Variants in POLA2 observed in about 807,000 individuals in gnomAD.
POLA2 encodes the protein DNA polymerase alpha subunit B.
Under a neutral mutation model 82.8 loss-of-function variants are expected in POLA2, and 47 were observed. That is an observed-to-expected ratio of 0.57 (90% CI 0.45 to 0.72). POLA2 has a LOEUF of 0.72. Among genes scored for constraint, POLA2 ranks in the 30% least tolerant of loss-of-function variants. POLA2 has a pLI of 0.00. For synonymous variants in POLA2, 287 were observed against 286.8 expected, an observed-to-expected ratio of 1.00 and a Z score of -0.01; for missense variants, 634 against 728.1, an observed-to-expected ratio of 0.87 and a Z score of 1.49.
Position 65,275,999 on chromosome 11 carries a change from G to A in POLA2, c.461+1G>A, listed in dbSNP as rs368623471. On this transcript the variant is annotated splice_donor_variant, in intron 5 of 17. Coordinates refer to ENST00000265465, the MANE Select transcript of POLA2 (RefSeq NM_002689.4). LOFTEE classifies it high-confidence loss of function. ...TCTCACCGTCAAGTTTCTCTCCAAG[G>A]TATGGATCATAATTCATTCAAGTGC... is the stretch of plus-strand genomic sequence containing the variant. The A allele has an allele frequency of 1.8e-5, 28 of 1,570,886 alleles. No individual in the cohort carries two copies. The highest frequency in any genetic ancestry group is 2.3e-5 in the East Asian group (1 of 43,032).
At chr11:65,299,299 C>T (rs1434308681), downstream of POLA2, among the ~76,000 whole-genome samples, 3 of 152,246 alleles carry the variant, frequency 2.0e-5, no homozygotes, top group Non-Finnish European at 4.4e-5. Flanking sequence ...TAGTCCCGAG[C>T]TCTTGCCAGG....
At chr11:65,266,789 G>C in intron 2 of POLA2, 83 bp downstream of exon 2, 1 of 1,467,244 alleles carries the variant, frequency 6.8e-7, no homozygotes, top group Non-Finnish European at 9.5e-7. Context: ...ATTGAGAGGA[G>C]TGTGGGCTTT....
In POLA2 at chr11:65,267,459, C is replaced by T. The variant is rs1471089386; in HGVS notation, c.205-18C>T. 4 of 1,546,736 alleles carry T rather than the reference C, an allele frequency of 2.6e-6. No homozygotes were observed. The highest frequency in any genetic ancestry group is 2.3e-5 in the South Asian group (2 of 88,240). ...ACTTGACTATGAAGTACTGTATTCACTATCTTTTCTTTTTCAGTTTCTGAG... is the reference window on the plus strand; with the variant it reads ...ACTTGACTATGAAGTACTGTATTCATTATCTTTTCTTTTTCAGTTTCTGAG... On this transcript the variant is annotated intron_variant, in intron 2 of 17. Coordinates refer to ENST00000265465, the MANE Select transcript of POLA2 (RefSeq NM_002689.4).
intron 8 of POLA2, among the ~76,000 whole-genome samples, chr11:65,304,723 A>C (rs1252764891): frequency 2.0e-5 from 3 of 152,134 alleles, no homozygotes; most frequent in Non-Finnish European, 4.4e-5. Flanking sequence ...CTCATGGAGG[A>C]GCATGTGCAG....
chr11:65,297,092 A>G lies in POLA2; in HGVS notation c.1648-28A>G, dbSNP rs373297920. On this transcript the variant is annotated intron_variant, in intron 17 of 17. Transcript: ENST00000265465. ...GTTCCCAGTTAGTTGAGGCTCTCCA[A>G]ACCTGTCACCTCTCCTCTCCTCCCC... 23 of 1,613,194 alleles carry G rather than the reference A, an allele frequency of 1.4e-5. No homozygotes were observed. The African/African-American group carries it at 1.5e-4, about 10-fold the overall frequency.
chr11:65,283,740 C>A (rs1297987117), intron 10 of POLA2, among the ~76,000 whole-genome samples: 1 of 152,048 alleles, frequency 6.6e-6, no homozygotes, highest in Non-Finnish European at 1.5e-5. Flanking sequence ...TCTCAAAGTG[C>A]TGGGATTGCA....
At chr11:65,304,480 G>T (rs1949876230) in intron 8 of POLA2, among the ~76,000 whole-genome samples, 1 of 151,564 alleles carries the variant, frequency 6.6e-6, no homozygotes, top group Non-Finnish European at 1.5e-5. Flanking sequence ...TATTCACTGG[G>T]TGCCTACCAC....
In POLA2 at chr11:65,294,622, T is replaced by C. The variant is rs1436869917; in HGVS notation, c.1430T>C (p.Leu477Pro). ...TTCGGCTTGACATCCACAGATCTGCTTTTCCACCTGGGGGCCGAGGAGATC... is the reference window on the plus strand; with the variant it reads ...TTCGGCTTGACATCCACAGATCTGCCTTTCCACCTGGGGGCCGAGGAGATC... ...VIFGLTSTDL[L>P]FHLGAEEISS... Residue 477 changes from leucine to proline, a missense_variant, in exon 15 of 18, where the codon CTT becomes CCT. By Grantham distance (98) the Leu-to-Pro change is moderately conservative. Coordinates refer to ENST00000265465, the MANE Select transcript of POLA2 (RefSeq NM_002689.4). The C allele has an allele frequency of 6.2e-7, 1 of 1,613,852 alleles. No individual in the cohort carries two copies. Among genetic ancestry groups the C allele is most frequent in the Non-Finnish European group, 8.5e-7 (1 of 1,179,800 alleles).
intron 8 of POLA2, among the ~76,000 whole-genome samples, chr11:65,305,191 T>C (rs1949880489): frequency 6.6e-6 from 1 of 152,122 alleles, no homozygotes; most frequent in Non-Finnish European, 1.5e-5. Context: ...CTGCCTCTAG[T>C]CTGGCCTCCC....
chr11:65,282,456 T>C (rs1949651016), intron 9 of POLA2, 23 bp from the exon 10 acceptor site: 1 of 1,612,194 alleles, frequency 6.2e-7, no homozygotes, highest in Non-Finnish European at 8.5e-7. Context: ...AAGACCTTAC[T>C]TGAGCTTTTC....
In POLA2 at chr11:65,287,464, T is replaced by C. The variant is rs143025485; in HGVS notation, c.1007-252T>C. 84 of 308,946 alleles carry C rather than the reference T, an allele frequency of 2.7e-4. No homozygotes were observed. The East Asian group carries it at 4.9e-3, about 18-fold the overall frequency. The allele number at this position is 308,946 out of a possible 1,614,324, so 19.1% of individuals were successfully genotyped here. ...CTGACTGCCACTTTCCTCGAATCTT[T>C]CATGTGCACAGCTCATAAAGTTTCT... On this transcript the variant is annotated intron_variant, in intron 10 of 17. Coordinates refer to ENST00000265465, the MANE Select transcript of POLA2 (RefSeq NM_002689.4).
intron 10 of POLA2, among the ~76,000 whole-genome samples, chr11:65,286,337 C>T (rs891889551): frequency 1.3e-5 from 2 of 152,106 alleles, no homozygotes; most frequent in African/African-American, 4.8e-5. Context: ...AGGAACTCAG[C>T]CCTGCCCACA....
At chr11:65,292,757 G>A (rs1419145408) in intron 13 of POLA2, among the ~76,000 whole-genome samples, 1 of 152,148 alleles carries the variant, frequency 6.6e-6, no homozygotes, top group Non-Finnish European at 1.5e-5. Flanking sequence ...CAGTGATAAG[G>A]GTGACAGCTG....
chr11:65,268,226 G>A (rs1348892946), intron 3 of POLA2, among the ~76,000 whole-genome samples: 1 of 151,984 alleles, frequency 6.6e-6, no homozygotes, highest in African/African-American at 2.4e-5. Flanking sequence ...CTGAGATCAG[G>A]CCACTGCACT....
At chr11:65,305,464 C>T (rs1474584580) in exon 9 of POLA2, 2 of 447,802 alleles carry the variant, frequency 4.5e-6, no homozygotes, top group East Asian at 1.4e-4. Context: ...TGTGTGGGGG[C>T]CTGGTACCTG....
At chr11:65,264,305 G>C (rs1452915112) in intron 1 of POLA2, among the ~76,000 whole-genome samples, 1 of 152,182 alleles carries the variant, frequency 6.6e-6, no homozygotes, top group Admixed American at 6.5e-5. Flanking sequence ...CTGACCTCCA[G>C]TGATCCTCCC....
intron 7 of POLA2, 114 bp from the exon 8 acceptor site, chr11:65,280,878 C>T: frequency 9.5e-7 from 1 of 1,048,592 alleles, no homozygotes; most frequent in Non-Finnish European, 1.4e-6. Flanking sequence ...CAATGCCCTG[C>T]CAAGAAATGT....
At position 65,278,880 on chromosome 11, in the gene POLA2, G is replaced by C; in HGVS notation, c.612G>C (p.Gly204=). The change falls in exon 6 of 18, where the codon GGG becomes GGC. Residue 204 remains glycine, a synonymous_variant. Transcript: ENST00000265465. ...KVLGCPEALT[G]SYKSMFQKLP... ...TGGGATGTCCAGAGGCACTAACTGGGAGCTACAAATCCATGTTTCAGAAGC... is the reference window on the plus strand; with the variant it reads ...TGGGATGTCCAGAGGCACTAACTGGCAGCTACAAATCCATGTTTCAGAAGC... The C allele has an allele frequency of 6.2e-7, 1 of 1,613,714 alleles. No individual in the cohort carries two copies. The highest frequency in any genetic ancestry group is 8.5e-7 in the Non-Finnish European group (1 of 1,180,014).
chr11:65,286,473 C>T (rs1211277895), intron 10 of POLA2, among the ~76,000 whole-genome samples: 1 of 151,858 alleles, frequency 6.6e-6, no homozygotes. Context: ...ACTGCAGCCT[C>T]AACCTCCCAG....
Sources: gnomAD v4.1 joint callset for allele counts (sites outside exome capture counted in the v4.1 genomes callset) on GRCh38, gnomAD v4.1.1 for gene constraint, MANE v1.5 for transcripts, NCBI Gene and HGNC (gene_info 2026-07-23, HGNC 2026-07-21) for gene names.